INPP5F: variants seen among roughly 807,000 people sequenced by gnomAD.
INPP5F encodes phosphatidylinositide 4-phosphatase SAC2.
INPP5F carries 97 observed loss-of-function variants against 137.2 expected under a neutral mutation model. That is an observed-to-expected ratio of 0.71 (90% confidence interval 0.60 to 0.84). The LOEUF (loss-of-function observed/expected upper bound fraction) is 0.84. Among genes scored for constraint, INPP5F ranks in the 40% least tolerant of loss-of-function variants. INPP5F has a pLI of 0.00. For synonymous variants in INPP5F, 504 were observed against 476.9 expected (o/e 1.06, Z -0.74); for missense variants, 1,271 against 1,371.9 (o/e 0.93, Z 1.16).
At chr10:119,824,403 TA>T (rs1851683823) in intron 19 of INPP5F, among the ~76,000 whole-genome samples, 1 of 152,214 alleles carries the variant, frequency 6.6e-6, no homozygotes, top group Non-Finnish European at 1.5e-5. Context: ...AGCTGTTTTG[TA>T]GAACATCCCT....
At chr10:119,793,539 G>T (rs1005005507) in intron 6 of INPP5F, 3 of 151,048 alleles carry the variant, frequency 2.0e-5, no homozygotes, top group African/African-American at 7.3e-5. Context: ...AGAGAGAAAG[G>T]ACAAAGAAGA....
intron 2 of INPP5F, among the ~76,000 whole-genome samples, chr10:119,755,237 T>C (rs1334100951): frequency 1.3e-5 from 2 of 152,196 alleles, no homozygotes; most frequent in Non-Finnish European, 2.9e-5. Context: ...AACAGAATCA[T>C]ATTTTCTCAC....
intron 18 of INPP5F, 64 bp from the exon 19 acceptor site, chr10:119,823,751 A>G: frequency 7.9e-7 from 1 of 1,259,236 alleles, no homozygotes; most frequent in Non-Finnish European, 1.1e-6. Flanking sequence ...TAAATGGGTT[A>G]GAACTGCTAT....
At chr10:119,764,661 A>C (rs1849104216) in intron 2 of INPP5F, among the ~76,000 whole-genome samples, 1 of 150,440 alleles carries the variant, frequency 6.6e-6, no homozygotes, top group Non-Finnish European at 1.5e-5. Flanking sequence ...GGCTCACTGC[A>C]ACCTCCGCCT....
chr10:119,792,059 C>T, intron 5 of INPP5F, 23 bp downstream of exon 5: 1 of 1,614,188 alleles, frequency 6.2e-7, no homozygotes, highest in Non-Finnish European at 8.5e-7. Flanking sequence ...GCTCGTAGAG[C>T]AGGGTTTGCA....
At chr10:119,736,085 T>A (rs796311608) in intron 1 of INPP5F, among the ~76,000 whole-genome samples, 5 of 152,364 alleles carry the variant, frequency 3.3e-5, no homozygotes, top group African/African-American at 1.2e-4. Flanking sequence ...TGCTTTGATT[T>A]AGCTCTCAAA....
intron 15 of INPP5F, among the ~76,000 whole-genome samples, chr10:119,814,891 C>T (rs770202333): frequency 4.6e-5 from 7 of 151,720 alleles, no homozygotes; most frequent in Non-Finnish European, 8.8e-5. Context: ...TTTTGGACAG[C>T]GTCTCGCTCT....
At chr10:119,812,415 G>T (rs1851078879) in intron 15 of INPP5F, among the ~76,000 whole-genome samples, 2 of 149,778 alleles carry the variant, frequency 1.3e-5, no homozygotes, top group African/African-American at 4.9e-5. Flanking sequence ...GTTTCAAGTG[G>T]TTCTTCAAAA....
intron 2 of INPP5F, among the ~76,000 whole-genome samples, chr10:119,764,317 G>A (rs770131880): frequency 1.3e-5 from 2 of 151,982 alleles, no homozygotes; most frequent in Admixed American, 6.6e-5. Flanking sequence ...GTATACGCGC[G>A]CATGTGCTTG....
chr10:119,804,343 T>C (rs1850693564), intron 10 of INPP5F, 46 bp downstream of exon 10: 1 of 1,473,870 alleles, frequency 6.8e-7, no homozygotes, highest in Non-Finnish European at 9.1e-7. Flanking sequence ...GCAGTGTTTT[T>C]GGTAGATGCT....
chr10:119,762,510 A>G (rs1313183637), intron 2 of INPP5F, among the ~76,000 whole-genome samples: 3 of 152,186 alleles, frequency 2.0e-5, no homozygotes, highest in Non-Finnish European at 2.9e-5. Context: ...TTCAACATAC[A>G]GTCACGGTCC....
rs1427274198 is a variant in INPP5F, at chr10:119,741,098, T to G, written c.98-9978T>G. Among the ~76,000 whole-genome samples the G allele has an allele frequency of 3.3e-5, 5 of 152,170 alleles. No homozygotes were observed. In the South Asian group the frequency reaches 8.3e-4, roughly 25 times the overall value. ...GCTGAGAGGGGTTCAGAGACTGTAG[T>G]AGAGCTAGGATTCTTCACCCAGGAC... On this transcript the variant is annotated intron_variant, in intron 1 of 19. Transcript: ENST00000650623.
intron 6 of INPP5F, among the ~76,000 whole-genome samples, chr10:119,796,204 CT>C (rs897245295): frequency 6.6e-6 from 1 of 151,230 alleles, no homozygotes; most frequent in Non-Finnish European, 1.5e-5. Flanking sequence ...GGAATTGAGA[CT>C]TTTTTTTTCT....
At chr10:119,754,567 AT>A (rs1419902484) in intron 2 of INPP5F, among the ~76,000 whole-genome samples, 2 of 152,048 alleles carry the variant, frequency 1.3e-5, no homozygotes, top group East Asian at 3.9e-4. Context: ...AATTCTCTTA[AT>A]TTTTCATTCT....
chr10:119,794,331 G>T (rs541470649), intron 6 of INPP5F, among the ~76,000 whole-genome samples: 2 of 152,046 alleles, frequency 1.3e-5, no homozygotes, highest in Admixed American at 6.5e-5. Context: ...GCACAGGGTT[G>T]GGGGGTAAGG....
In INPP5F at chr10:119,807,490, C is replaced by T. The variant is rs894515495; in HGVS notation, c.1441-442C>T. 9.9e-5 allele frequency among the ~76,000 whole-genome samples: 15 copies of T among 152,204 alleles called. No homozygotes were observed. The East Asian group carries it at 2.5e-3, about 26-fold the overall frequency. On this transcript the variant is annotated intron_variant, in intron 12 of 19. Transcript: ENST00000650623. ...TGTAAAATGTAGGTGATAACAGTAT[C>T]AATTACATAGTGGTGTTAGGACTAG...
intron 1 of INPP5F, among the ~76,000 whole-genome samples, chr10:119,733,469 C>G (rs1848143267): frequency 6.6e-6 from 1 of 152,184 alleles, no homozygotes; most frequent in Non-Finnish European, 1.5e-5. Context: ...GAACTATTTC[C>G]TCCAGTGGTG....
intron 2 of INPP5F, among the ~76,000 whole-genome samples, chr10:119,768,703 A>G (rs1849249793): frequency 6.6e-6 from 1 of 152,136 alleles, no homozygotes; most frequent in Non-Finnish European, 1.5e-5. Flanking sequence ...AGGAAAGGTA[A>G]TCTTTGCCTC....
intron 19 of INPP5F, among the ~76,000 whole-genome samples, chr10:119,825,634 T>C (rs1199987400): frequency 6.6e-6 from 1 of 152,234 alleles, no homozygotes; most frequent in African/African-American, 2.4e-5. Flanking sequence ...CTAAATACTT[T>C]GTAGAGAAAA....
Sources: gnomAD v4.1 joint callset for allele counts (sites outside exome capture counted in the v4.1 genomes callset) on GRCh38, gnomAD v4.1.1 for gene constraint, MANE v1.5 for transcripts, NCBI Gene and HGNC (gene_info 2026-07-23, HGNC 2026-07-21) for gene names.